Variants in TOX observed in about 807,000 individuals in gnomAD.
TOX encodes thymocyte selection-associated high mobility group box protein TOX.
Under a neutral mutation model 53.7 loss-of-function variants are expected in TOX, and 11 were observed. That is an observed-to-expected ratio of 0.20 (90% CI 0.13 to 0.34). TOX has a LOEUF of 0.34. Among genes scored for constraint, TOX ranks in the 10% least tolerant of loss-of-function variants. TOX has a pLI of 1.00. For missense variants in TOX, 570 were observed against 664.6 expected (o/e 0.86, Z 1.56); for synonymous variants, 225 against 245.3 (o/e 0.92, Z 0.77).
chr8:58,910,684 T>G (rs1285258156), intron 3 of TOX, among the ~76,000 whole-genome samples: 1 of 152,218 alleles, frequency 6.6e-6, no homozygotes, highest in Admixed American at 6.5e-5. Context: ...ATCAAGCACC[T>G]TTTAGAGAGC....
chr8:59,067,320 G>A (rs1057122611), intron 1 of TOX, among the ~76,000 whole-genome samples: 4 of 152,270 alleles, frequency 2.6e-5, no homozygotes, highest in East Asian at 3.9e-4. Context: ...TTGGGAGGTC[G>A]AGGAGGGAGG....
intron 7 of TOX, among the ~76,000 whole-genome samples, chr8:58,810,969 T>C (rs891024366): frequency 6.6e-6 from 1 of 152,230 alleles, no homozygotes; most frequent in Admixed American, 6.5e-5. Flanking sequence ...AATTATGTGT[T>C]AGCTACAAAG....
At chr8:58,963,527 C>T (rs1284934241) in intron 1 of TOX, among the ~76,000 whole-genome samples, 3 of 152,210 alleles carry the variant, frequency 2.0e-5, no homozygotes, top group African/African-American at 7.2e-5. Flanking sequence ...CTATCACTTG[C>T]TTTCTAGAGG....
chr8:58,999,088 G>T (rs2129418002), intron 1 of TOX, among the ~76,000 whole-genome samples: 1 of 152,282 alleles, frequency 6.6e-6, no homozygotes, highest in Middle Eastern at 3.4e-3. Context: ...TAACTGGAAA[G>T]AAATTAAATG....
intron 3 of TOX, among the ~76,000 whole-genome samples, chr8:58,856,623 G>C (rs1437235950): frequency 1.3e-5 from 2 of 152,102 alleles, no homozygotes; most frequent in Non-Finnish European, 2.9e-5. Flanking sequence ...CCTCTAGCTG[G>C]CTCAAGGAGG....
rs1443981241 is a variant in TOX, at chr8:58,851,061, G to T, written c.693+463C>A. Among the ~76,000 whole-genome samples the T allele has an allele frequency of 6.6e-6, 1 of 152,020 alleles. No homozygotes were observed. The highest frequency in any genetic ancestry group is 1.5e-5 in the Non-Finnish European group (1 of 67,996). ...AGGAAAGGAGTCATCTAATATCCCT[G>T]GCACTTACTTTCCACGTCCTCAATA... On this transcript the variant is annotated intron_variant, in intron 4 of 8. Coordinates refer to ENST00000361421, the MANE Select transcript of TOX (RefSeq NM_014729.3). This position sits in a 1 kb window ranked among gnomAD's most constrained non-coding sequence, Gnocchi z 4.4.
intron 6 of TOX, among the ~76,000 whole-genome samples, chr8:58,824,719 T>C (rs924939278): frequency 2.6e-5 from 4 of 152,240 alleles, no homozygotes; most frequent in Non-Finnish European, 5.9e-5. Context: ...TTAGTTTATG[T>C]TTTCACTAAC....
rs536331019 is a variant in TOX at position 58,877,356 on chromosome 8, C to T, written c.412-25551G>A. Among the ~76,000 whole-genome samples the T allele has an allele frequency of 1.1e-4, 16 of 152,156 alleles. No individual in the cohort carries two copies. The East Asian group carries it at 1.2e-3, about 11-fold the overall frequency. The stretch of plus-strand genomic sequence containing the variant: ...GTGACATGCACTTTACCATAATAAA[C>T]GCATCAGACAAGAAAATAAAAGCAT... On this transcript the variant is annotated intron_variant, in intron 3 of 8. Coordinates refer to ENST00000361421, the MANE Select transcript of TOX (RefSeq NM_014729.3).
chr8:58,828,209 G>A (rs1810396030), intron 5 of TOX, among the ~76,000 whole-genome samples: 1 of 152,168 alleles, frequency 6.6e-6, no homozygotes, highest in Non-Finnish European at 1.5e-5. Flanking sequence ...GAGAAATATT[G>A]TTTATTCATG....
At position 59,107,051 on chromosome 8, in the gene TOX, G is replaced by T. The variant is rs1047051125; in HGVS notation, c.102+11835C>A. Among the ~76,000 whole-genome samples, 12 of 130,930 alleles carry T rather than the reference G, an allele frequency of 9.2e-5. 2 individuals carry two copies. Among genetic ancestry groups the T allele is most frequent in the African/African-American group, 2.6e-4 (9 of 34,012 alleles). The allele number at this position is 130,930 out of a possible 152,430, so 85.9% of individuals were successfully genotyped here. On this transcript the variant is annotated intron_variant, in intron 1 of 8. Transcript: ENST00000361421. Reference sequence around the variant, plus strand: ...GATCTTATAAAGCAGTTTGCTGGGGGGGGGGGGAACGTGACATTTCTAATT... The same window carrying T: ...GATCTTATAAAGCAGTTTGCTGGGGTGGGGGGGAACGTGACATTTCTAATT...
At chr8:58,843,918 T>C (rs1810682895) in intron 4 of TOX, among the ~76,000 whole-genome samples, 3 of 152,320 alleles carry the variant, frequency 2.0e-5, no homozygotes, top group Admixed American at 6.5e-5. Context: ...TCCATTTTCA[T>C]GTCAGTAACG....
intron 1 of TOX, among the ~76,000 whole-genome samples, chr8:58,994,876 T>C (rs901329376): frequency 1.3e-5 from 2 of 152,166 alleles, no homozygotes; most frequent in Admixed American, 6.5e-5. Context: ...GGCACCCTAT[T>C]AGCTTTCTGT....
intron 3 of TOX, among the ~76,000 whole-genome samples, chr8:58,855,620 G>T (rs1810901256): frequency 6.6e-6 from 1 of 152,060 alleles, no homozygotes. Context: ...AACTAAAATT[G>T]GTCTCTTTAC....
chr8:58,806,746 T>G lies in TOX; in HGVS notation c.*1001A>C, dbSNP rs569413882. ...TGAATTTTTTTTTGCCAGCAAAAGTTAAAACATCAAAGAAACCTCTTTCAA... is the reference window on the plus strand; with the variant it reads ...TGAATTTTTTTTTGCCAGCAAAAGTGAAAACATCAAAGAAACCTCTTTCAA... On this transcript the variant is annotated 3_prime_UTR_variant, in exon 9 of 9. Transcript: ENST00000361421. 6.5e-6 allele frequency: 1 copy of G among 152,710 alleles called. No individual in the cohort carries two copies. The highest frequency in any genetic ancestry group is 2.1e-4 in the South Asian group (1 of 4,824). The allele number at this position is 152,710 out of a possible 1,614,324, so 9.5% of individuals were successfully genotyped here.
chr8:58,869,503 G>GA lies in TOX; in HGVS notation c.412-17699dup, dbSNP rs955660506. 7.7e-4 allele frequency among the ~76,000 whole-genome samples: 117 copies of GA among 152,106 alleles called. 1 individual carries two copies. Among genetic ancestry groups the GA allele is most frequent in the African/African-American group, 2.7e-3 (112 of 41,504 alleles). On this transcript the variant is annotated intron_variant, in intron 3 of 8. Coordinates refer to ENST00000361421, the MANE Select transcript of TOX (RefSeq NM_014729.3). ...TCTCCACAATATTTTCCAGGAATTA[G>GA]AAACAGACGAAAGACTTCATAACTC...
chr8:59,042,116 A>T (rs1477612400), intron 1 of TOX, among the ~76,000 whole-genome samples: 2 of 152,234 alleles, frequency 1.3e-5, no homozygotes, highest in African/African-American at 4.8e-5. Flanking sequence ...ATAGTGTCCA[A>T]GTATTAAAGC....
chr8:58,848,956 A>G (rs1810764220), intron 4 of TOX, among the ~76,000 whole-genome samples: 1 of 152,102 alleles, frequency 6.6e-6, no homozygotes, highest in African/African-American at 2.4e-5. Context: ...CACTTGTTAG[A>G]AATGATTTAA....
intron 3 of TOX, among the ~76,000 whole-genome samples, chr8:58,874,704 G>T (rs1466379829): frequency 3.3e-5 from 5 of 152,160 alleles, no homozygotes; most frequent in African/African-American, 4.8e-5. Context: ...GCAAAAACAT[G>T]TAGGGTGTCT....
chr8:58,869,829 G>A (rs1563375090), intron 3 of TOX, among the ~76,000 whole-genome samples: 1 of 151,622 alleles, frequency 6.6e-6, no homozygotes. Flanking sequence ...AAAACTATAT[G>A]ATCATATCTA....
Sources: allele counts gnomAD v4.1 joint callset (sites outside exome capture counted in the v4.1 genomes callset), GRCh38; gene constraint gnomAD v4.1.1; non-coding constraint Gnocchi (gnomAD v3.1); transcripts MANE v1.5; gene names NCBI Gene and HGNC (gene_info 2026-07-23, HGNC 2026-07-21).